Variants in DGKH observed in about 807,000 individuals in gnomAD.
DGKH encodes diacylglycerol kinase eta.
DGKH carries 90 observed loss-of-function variants against 159.3 expected under a neutral mutation model. That is an observed-to-expected ratio of 0.57 (90% CI 0.48 to 0.67). The LOEUF is 0.67. Among genes scored for constraint, DGKH ranks in the 30% least tolerant of loss-of-function variants. The pLI, the probability that DGKH is intolerant of heterozygous loss-of-function variation, is 0.00. For synonymous variants in DGKH, 536 were observed against 553.8 expected, an observed-to-expected ratio of 0.97 and a Z score of 0.45; for missense variants, 1,181 against 1,506.1, an observed-to-expected ratio of 0.78 and a Z score of 3.57.
At chr13:42,165,145 C>A (rs1001833133) in intron 7 of DGKH, among the ~76,000 whole-genome samples, 186 bp from the exon 8 acceptor site, 1 of 152,056 alleles carries the variant, frequency 6.6e-6, no homozygotes, top group Non-Finnish European at 1.5e-5. Flanking sequence ...GGACTAAAAT[C>A]AAATTTCCAT....
Position 42,159,354 on chromosome 13 carries a change from T to A in DGKH, c.711T>A (p.Ile237=). 1 of 1,593,706 alleles carries A rather than the reference T, an allele frequency of 6.3e-7. No individual in the cohort carries two copies. The highest frequency in any genetic ancestry group is 8.6e-7 in the Non-Finnish European group (1 of 1,167,996). ...CCCTGGCCTCCATCGGGAAGGACAT[T>A]ATAGAAGATGAAGATGGCGTAAGCT... ...WTTLASIGKD[I]IEDEDGVAMP... is the part of the protein sequence containing the mutation. Residue 237 remains isoleucine (I), a synonymous_variant, in exon 6 of 30, where the codon ATT becomes ATA. Transcript: ENST00000337343.
Position 42,059,911 on chromosome 13 carries a change from T to C in DGKH, c.192+10946T>C, listed in dbSNP as rs577429382. Among the ~76,000 whole-genome samples the C allele has an allele frequency of 4.0e-5, 6 of 151,032 alleles. No homozygotes were observed. The South Asian group carries it at 1.0e-3, about 26-fold the overall frequency. Reference sequence around the variant, plus strand: ...TAAGTTCTCTCTCTTTTTTCTTTTTTTTTTTTTTTATATATATAGAGTCTC... The same window carrying C: ...TAAGTTCTCTCTCTTTTTTCTTTTTCTTTTTTTTTATATATATAGAGTCTC... On this transcript the variant is annotated intron_variant, in intron 1 of 29. Coordinates refer to ENST00000337343, the MANE Select transcript of DGKH (RefSeq NM_178009.5).
intron 20 of DGKH, among the ~76,000 whole-genome samples, chr13:42,204,098 G>A (rs1394965690): frequency 6.6e-6 from 1 of 151,950 alleles, no homozygotes; most frequent in East Asian, 1.9e-4. Context: ...AATCTTCATC[G>A]TTTTCCATAC....
intron 1 of DGKH, among the ~76,000 whole-genome samples, chr13:42,073,208 G>A (rs1593987400): frequency 6.6e-6 from 1 of 152,156 alleles, no homozygotes; most frequent in African/African-American, 2.4e-5. Flanking sequence ...TGTCCTGCTC[G>A]ATATACCCTC....
intron 1 of DGKH, among the ~76,000 whole-genome samples, chr13:42,103,482 C>G (rs2137780204): frequency 6.6e-6 from 1 of 152,316 alleles, no homozygotes; most frequent in East Asian, 1.9e-4. Context: ...AGCTCTGACT[C>G]ACTTCCCTCT....
chr13:42,253,749 T>C (rs1241859163), intron 30 of DGKH, among the ~76,000 whole-genome samples: 1 of 152,246 alleles, frequency 6.6e-6, no homozygotes, highest in Non-Finnish European at 1.5e-5. Flanking sequence ...TCTAGGTTCT[T>C]GCCTTCATTT....
intron 5 of DGKH, 94 bp from the exon 6 acceptor site, chr13:42,159,171 CT>C: frequency 1.5e-6 from 1 of 670,860 alleles, no homozygotes. Context: ...TCCTCCTTCC[CT>C]TTTAAAATTT....
At chr13:42,040,872 G>T (rs1327125072) in intron 1 of DGKH, among the ~76,000 whole-genome samples, 7 of 146,864 alleles carry the variant, frequency 4.8e-5, no homozygotes, top group Non-Finnish European at 1.1e-4. Flanking sequence ...CGGCGGGCGC[G>T]GGCTGGCGCG....
chr13:42,127,850 G>C (rs749922176), intron 2 of DGKH, among the ~76,000 whole-genome samples: 13 of 152,016 alleles, frequency 8.6e-5, no homozygotes, highest in Non-Finnish European at 1.6e-4. Flanking sequence ...AACATTAAAT[G>C]TAACCTTATT....
chr13:42,191,269 A>T (rs1211794964), intron 16 of DGKH, among the ~76,000 whole-genome samples: 2 of 152,170 alleles, frequency 1.3e-5, no homozygotes, highest in Non-Finnish European at 1.5e-5. Context: ...AATACATGGC[A>T]CTTATGAAAA....
intron 1 of DGKH, among the ~76,000 whole-genome samples, chr13:42,040,667 G>A (rs1880434838): frequency 6.6e-6 from 1 of 151,374 alleles, no homozygotes; most frequent in Admixed American, 6.6e-5. Flanking sequence ...GGAGGCGGCG[G>A]AGGAGGAAGG....
intron 1 of DGKH, among the ~76,000 whole-genome samples, chr13:42,093,009 C>T (rs943453181): frequency 6.6e-5 from 10 of 151,974 alleles, no homozygotes; most frequent in Non-Finnish European, 1.2e-4. Context: ...TTTGGGAGGC[C>T]GAGGTGGGCA....
intron 7 of DGKH, among the ~76,000 whole-genome samples, chr13:42,165,094 T>C (rs1956278926): frequency 6.6e-6 from 1 of 152,128 alleles, no homozygotes. Flanking sequence ...ATTCATTAAC[T>C]ATATATTCCT....
chr13:42,090,934 T>C (rs1221717436), intron 1 of DGKH, among the ~76,000 whole-genome samples: 1 of 152,154 alleles, frequency 6.6e-6, no homozygotes. Context: ...TCCTTCTCTC[T>C]GGAGGATGCA....
intron 1 of DGKH, among the ~76,000 whole-genome samples, chr13:42,091,035 A>T (rs1426997267): frequency 6.6e-6 from 1 of 152,186 alleles, no homozygotes; most frequent in African/African-American, 2.4e-5. Flanking sequence ...CAGCGTTCAG[A>T]ACTGTGAGAA....
intron 12 of DGKH, among the ~76,000 whole-genome samples, chr13:42,177,163 A>G (rs539945422): frequency 6.6e-6 from 1 of 152,202 alleles, no homozygotes; most frequent in Non-Finnish European, 1.5e-5. Flanking sequence ...CAAGTATCCC[A>G]TAAGCCCCCT....
intron 20 of DGKH, 101 bp from the exon 21 acceptor site, chr13:42,205,938 G>A: frequency 1.8e-6 from 1 of 552,322 alleles, no homozygotes; most frequent in Non-Finnish European, 2.8e-6. Flanking sequence ...AACACACTGT[G>A]CTCCATTGTC....
chr13:42,255,810 G>C (rs1396195964), intron 30 of DGKH: 2 of 575,052 alleles, frequency 3.5e-6, no homozygotes, highest in East Asian at 3.0e-5. Flanking sequence ...GTTAGGGAAA[G>C]ATTATTTTAA....
chr13:42,201,073 A>G (rs924046720), intron 20 of DGKH, among the ~76,000 whole-genome samples: 2 of 151,028 alleles, frequency 1.3e-5, no homozygotes, highest in Non-Finnish European at 3.0e-5. Flanking sequence ...GCTCACTGCA[A>G]CCTCTACCTG....
Sources: gnomAD v4.1 joint callset for allele counts (sites outside exome capture counted in the v4.1 genomes callset) on GRCh38, gnomAD v4.1.1 for gene constraint, MANE v1.5 for transcripts, NCBI Gene and HGNC (gene_info 2026-07-23, HGNC 2026-07-21) for gene names.